The following INO80 variants were observed in gnomAD, a reference collection of about 807,000 sequenced individuals.
INO80 encodes INO80 complex ATPase subunit.
A neutral mutation model predicts 203.4 loss-of-function variants in INO80; 20 were observed. The observed-to-expected ratio is 0.10, with a 90% CI of 0.07 to 0.14. The LOEUF (loss-of-function observed/expected upper bound fraction) is 0.14. Ranked by LOEUF, INO80 falls within the 10% of genes least tolerant of loss-of-function variation. INO80 has a pLI of 1.00. For missense variants in INO80, 1,419 were observed against 1,914.4 expected (o/e 0.74, Z 4.83); for synonymous variants, 726 against 685.2 (o/e 1.06, Z -0.93).
intron 25 of INO80, among the ~76,000 whole-genome samples, chr15:41,026,399 A>G (rs957083151): frequency 2.6e-5 from 4 of 152,024 alleles, no homozygotes; most frequent in Admixed American, 2.6e-4. Flanking sequence ...CAAAAAATTT[A>G]AAAAGTAGCC....
intron 1 of INO80, among the ~76,000 whole-genome samples, chr15:41,102,050 G>T (rs1394616633): frequency 6.6e-6 from 1 of 152,048 alleles, no homozygotes; most frequent in African/African-American, 2.4e-5. Flanking sequence ...AAGTAGCTGG[G>T]CTTGGTGGCA....
At chr15:41,077,273 T>C (rs2045419578) in intron 9 of INO80, among the ~76,000 whole-genome samples, 1 of 150,854 alleles carries the variant, frequency 6.6e-6, no homozygotes, top group African/African-American at 2.4e-5. Flanking sequence ...TTATTTTGAA[T>C]TATTTCATAA....
At chr15:41,018,279 A>T (rs1437255913) in intron 26 of INO80, 1 of 152,220 alleles carries the variant, frequency 6.6e-6, no homozygotes, top group Admixed American at 6.5e-5. Context: ...TTTATGTCTG[A>T]ATTTTGAGAA....
intron 25 of INO80, among the ~76,000 whole-genome samples, chr15:41,022,236 G>C (rs990480230): frequency 6.6e-6 from 1 of 152,232 alleles, no homozygotes; most frequent in Admixed American, 6.5e-5. Context: ...CGTATGAGAA[G>C]CAAAGGCCAC....
intron 21 of INO80, among the ~76,000 whole-genome samples, chr15:41,048,887 T>G (rs1019780913): frequency 5.9e-5 from 9 of 152,226 alleles, no homozygotes; most frequent in African/African-American, 2.2e-4. Flanking sequence ...CTTTACTAAA[T>G]TTATCGTTGC....
At chr15:41,046,201 AC>A (rs2044759181) in intron 23 of INO80, among the ~76,000 whole-genome samples, 1 of 15,306 alleles carries the variant, frequency 6.5e-5, no homozygotes, top group Non-Finnish European at 1.0e-4. Flanking sequence ...GTGTGCGTAT[AC>A]ATACATATAT....
At chr15:41,087,480 T>C (rs1358239546) in intron 6 of INO80, 82 bp downstream of exon 6, 2 of 1,441,468 alleles carry the variant, frequency 1.4e-6, no homozygotes, top group African/African-American at 1.4e-5. Context: ...GACTTATATA[T>C]AAAGTCCAAA....
intron 25 of INO80, chr15:41,024,778 G>A (rs1185788537): frequency 6.6e-6 from 1 of 152,226 alleles, no homozygotes; most frequent in Non-Finnish European, 1.5e-5. Flanking sequence ...GCATGTGTCA[G>A]AGAAATTAAT....
Position 40,983,897 on chromosome 15 carries a change from T to G in INO80, c.4102A>C (p.Thr1368Pro). The change falls in exon 34 of 36, where the codon ACT (threonine) becomes CCT (proline). Residue 1368 changes from threonine to proline, a missense_variant. By Grantham distance (38) the Thr-to-Pro change is conservative (BLOSUM62 -1). Transcript: ENST00000648947. The stretch of plus-strand genomic sequence containing the variant: ...CTCTCGTCCAGGGGAATGGAGCCAG[T>G]GTGCAGCTCACTGCTGATGGAGATC... ...SEISISSELH[T>P]GSIPLDESSS... is the part of the protein sequence containing the mutation. The G allele has an allele frequency of 6.2e-7, 1 of 1,613,670 alleles. No homozygotes were observed. The highest frequency in any genetic ancestry group is 2.2e-5 in the East Asian group (1 of 44,884).
chr15:41,047,360 C>A (rs1217736158), intron 23 of INO80, 48 bp downstream of exon 23: 6 of 1,099,522 alleles, frequency 5.5e-6, no homozygotes, highest in African/African-American at 1.6e-5. Flanking sequence ...ATATCTATCC[C>A]ATTTATTCCT....
intron 19 of INO80, among the ~76,000 whole-genome samples, chr15:41,051,663 A>T (rs148376416): frequency 6.6e-6 from 1 of 152,118 alleles, no homozygotes; most frequent in East Asian, 1.9e-4. Flanking sequence ...ATTAAAAAAT[A>T]AAAAATTAGG....
chr15:41,081,935 A>G, intron 7 of INO80, among the ~76,000 whole-genome samples: 1 of 152,144 alleles, frequency 6.6e-6, no homozygotes, highest in East Asian at 1.9e-4. Flanking sequence ...GAAGCCAGGA[A>G]CCTCAAATAT....
rs1267239075 is a variant in INO80 at position 40,989,997 on chromosome 15, CCTTTT to C, written c.3571-2028_3571-2024del. Among the ~76,000 whole-genome samples the C allele has an allele frequency of 1.2e-4, 19 of 152,188 alleles. No individual in the cohort carries two copies. In the East Asian group the frequency reaches 1.4e-3, roughly 11 times the overall value. ...TTTTCTCTTGCCTATAATAATGTCT[CCTTTT>C]CTTTTCTTATCCCTATTCCCCCTGG... On this transcript the variant is annotated intron_variant, in intron 29 of 35. Transcript: ENST00000648947.
At chr15:40,997,488 G>A (rs2043895329) in intron 29 of INO80, 41 bp downstream of exon 29, 2 of 1,317,608 alleles carry the variant, frequency 1.5e-6, no homozygotes, top group Admixed American at 3.4e-5. Context: ...TTTCATAGTA[G>A]AAAACCTGCA....
intron 31 of INO80, 106 bp from the exon 32 acceptor site, chr15:40,985,532 C>A: frequency 1.2e-6 from 1 of 853,040 alleles, no homozygotes; most frequent in Non-Finnish European, 2.0e-6. Flanking sequence ...TTCCAAGTAT[C>A]ACTTCTATCT....
At chr15:41,012,534 GCCTGGGT>G (rs1313945240) in intron 27 of INO80, among the ~76,000 whole-genome samples, 1 of 120,092 alleles carries the variant, frequency 8.3e-6, no homozygotes, top group Non-Finnish European at 1.6e-5. Context: ...TTGCACTCCA[GCCTGGGT>G]GACAGAGCGA....
intron 9 of INO80, among the ~76,000 whole-genome samples, chr15:41,077,666 T>G (rs2045426293): frequency 6.6e-6 from 1 of 151,024 alleles, no homozygotes; most frequent in South Asian, 2.1e-4. Context: ...GCTCAAGCAA[T>G]ACTCCCACCT....
Position 41,107,262 on chromosome 15 carries a change from C to T in INO80, c.-44+8711G>A, listed in dbSNP as rs529777902. Among the ~76,000 whole-genome samples the T allele has an allele frequency of 5.3e-5, 8 of 152,110 alleles. No individual in the cohort carries two copies. In the South Asian group the frequency reaches 6.2e-4, roughly 12 times the overall value. The stretch of plus-strand genomic sequence containing the variant: ...CAGAACTTCAGGAGGCCAAGGCAGG[C>T]GATCATTTGAGGCCAGGAGTTCAAG... On this transcript the variant is annotated intron_variant, in intron 1 of 35. Coordinates refer to ENST00000648947, the MANE Select transcript of INO80 (RefSeq NM_017553.3).
At chr15:41,013,430 G>GT (rs2044159755) in intron 27 of INO80, 1 of 152,076 alleles carries the variant, frequency 6.6e-6, no homozygotes. Flanking sequence ...TTTAATGAAT[G>GT]TTAATACTCA....
Sources: gnomAD v4.1 joint callset for allele counts (sites outside exome capture counted in the v4.1 genomes callset) on GRCh38, gnomAD v4.1.1 for gene constraint, MANE v1.5 for transcripts, NCBI Gene and HGNC (gene_info 2026-07-23, HGNC 2026-07-21) for gene names.